The following TRIM38 variants were observed in gnomAD, a reference collection of about 807,000 sequenced individuals.
The protein encoded by TRIM38 is E3 ubiquitin-protein ligase TRIM38.
In TRIM38, 35 loss-of-function variants were observed where a neutral mutation model predicts 35.8. The ratio of observed to expected loss-of-function variants is 0.98; its 90% CI spans 0.75 to 1.30. The LOEUF is 1.30. Among genes scored for constraint, TRIM38 ranks in the 50% most tolerant of loss-of-function variants. The pLI is 0.00. For synonymous variants in TRIM38, 198 were observed against 204.7 expected (o/e 0.97, Z 0.28); for missense variants, 545 against 556.9 (o/e 0.98, Z 0.21).
Position 25,987,086 on chromosome 6 carries a change from C to CATCG in TRIM38, c.*3401_*3404dup, listed in dbSNP as rs1760728299. ...CTCATATTAAAAAACAGAGAAGGGA[C>CATCG]ATCGAATAGATGACCAACAATCTCC... is the stretch of plus-strand genomic sequence containing the variant. On this transcript the variant is annotated 3_prime_UTR_variant, in exon 8 of 8. Coordinates refer to ENST00000357085, the MANE Select transcript of TRIM38 (RefSeq NM_006355.5). 6.6e-6 allele frequency: 1 copy of CATCG among 151,972 alleles called. No individual in the cohort carries two copies. The highest frequency in any genetic ancestry group is 2.1e-4 in the South Asian group (1 of 4,830). The allele number at this position is 151,972 out of a possible 1,614,324, so 9.4% of individuals were successfully genotyped here.
chr6:25,967,139 A>G (rs1369527968), intron 3 of TRIM38, among the ~76,000 whole-genome samples: 1 of 152,196 alleles, frequency 6.6e-6, no homozygotes, highest in Non-Finnish European at 1.5e-5. Flanking sequence ...TTGGACTCTT[A>G]TCTCTATCCA....
In TRIM38 at chr6:25,985,638, A is replaced by G. The variant is rs989934329; in HGVS notation, c.*1951A>G. ...TGTTCTATATACCCGTAGTCTCGGT[A>G]TGCTGACCCAGACTTGGGTAATAGG... On this transcript the variant is annotated 3_prime_UTR_variant, in exon 8 of 8. Coordinates refer to ENST00000357085, the MANE Select transcript of TRIM38 (RefSeq NM_006355.5). The G allele has an allele frequency of 1.3e-5, 2 of 152,268 alleles. No individual in the cohort carries two copies. The highest frequency in any genetic ancestry group is 4.8e-5 in the African/African-American group (2 of 41,472). 9.4% of individuals were successfully genotyped at this position (152,268 alleles called of 1,614,324 possible). A position where few individuals can be genotyped will look rare whatever the true frequency, so the allele number is the denominator to read the frequency against.
Position 25,966,842 on chromosome 6 carries a change from AG to A in TRIM38, c.324del (p.Gln109SerfsTer36), listed in dbSNP as rs1338725381. 6.2e-7 allele frequency: 1 copy of A among 1,614,060 alleles called. No homozygotes were observed. The highest frequency in any genetic ancestry group is 8.5e-7 in the Non-Finnish European group (1 of 1,180,030). ...CAGTTCCACCTGTTCTGCGAAGACG[AG>A]GGGCAGCTCATCTGCTGGCGCTGTG... is the stretch of plus-strand genomic sequence containing the variant. ...GEQFHLFCED[E>X]GQLICWRCER... On this transcript the variant is annotated frameshift_variant, in exon 3 of 8. Transcript: ENST00000357085. LOFTEE classifies it high-confidence loss of function.
rs112138981 is a variant in TRIM38, at chr6:25,966,313, A to G, written c.-188-22A>G. The G allele has an allele frequency of 6.5e-3, 3,319 of 508,680 alleles. 40 individuals carry two copies. The highest frequency in any genetic ancestry group is 0.031 in the African/African-American group (1,585 of 51,636). 31.5% of individuals were successfully genotyped at this position (508,680 alleles called of 1,614,324 possible). On this transcript the variant is annotated intron_variant, in intron 2 of 7. Coordinates refer to ENST00000357085, the MANE Select transcript of TRIM38 (RefSeq NM_006355.5). ...TCTCAAACGTGGCCCAAACAACCTC[A>G]GCCTCAACTTCTTCCTTTTAGGTCC...
rs1760644110 is a variant in TRIM38, at chr6:25,983,990, G to A, written c.*303G>A. 1 of 247,518 alleles carries A rather than the reference G, an allele frequency of 4.0e-6. No individual in the cohort carries two copies. Among genetic ancestry groups the A allele is most frequent in the Non-Finnish European group, 7.7e-6 (1 of 129,218 alleles). 15.3% of individuals were successfully genotyped at this position (247,518 alleles called of 1,614,324 possible). A position where few individuals can be genotyped will look rare whatever the true frequency, so the allele number is the denominator to read the frequency against. ...CAAGGGTCTTCAGGTGATGAGTAGG[G>A]GTACCCACAAGTCAGAAGGTCTGCG... On this transcript the variant is annotated 3_prime_UTR_variant, in exon 8 of 8. Coordinates refer to ENST00000357085, the MANE Select transcript of TRIM38 (RefSeq NM_006355.5).
chr6:25,970,799 A>C lies in TRIM38; in HGVS notation c.508-1070A>C, dbSNP rs533921933. On this transcript the variant is annotated intron_variant, in intron 4 of 7. Coordinates refer to ENST00000357085, the MANE Select transcript of TRIM38 (RefSeq NM_006355.5). ...AGAGAGTTTATTTGGGCCAAGTTTG[A>C]AGACTGCAATCCAAGAACATAGATT... is the stretch of plus-strand genomic sequence containing the variant. Among the ~76,000 whole-genome samples the C allele has an allele frequency of 6.3e-4, 96 of 152,238 alleles. 1 individual carries two copies. Among genetic ancestry groups the C allele is most frequent in the Middle Eastern group, 6.8e-3 (2 of 294 alleles).
At chr6:25,970,759 T>C (rs1760206064) in intron 4 of TRIM38, among the ~76,000 whole-genome samples, 1 of 152,244 alleles carries the variant, frequency 6.6e-6, no homozygotes, top group South Asian at 2.1e-4. Flanking sequence ...TAATTTTTAT[T>C]TTTTTAAGAT....
intron 3 of TRIM38, 33 bp from the exon 4 acceptor site, chr6:25,969,292 G>A: frequency 6.4e-7 from 1 of 1,555,466 alleles, no homozygotes; most frequent in Non-Finnish European, 8.8e-7. Flanking sequence ...GAGTCAAATT[G>A]AATAGGCTTC....
intron 7 of TRIM38, 136 bp downstream of exon 7, chr6:25,973,421 C>A (rs945005237): frequency 2.1e-6 from 3 of 1,452,030 alleles, no homozygotes; most frequent in Non-Finnish European, 1.8e-6. Flanking sequence ...TTCATACTTT[C>A]TCTAGTTAGT....
chr6:25,972,884 C>T (rs115543246), intron 5 of TRIM38, among the ~76,000 whole-genome samples, 170 bp from the exon 6 acceptor site: 2,318 of 152,290 alleles, frequency 0.015, 55 homozygotes, highest in African/African-American at 0.045. Context: ...TCCATCAATA[C>T]CTAAGACTGG....
Position 25,978,492 on chromosome 6 carries a change from A to G in TRIM38, c.875-4672A>G, listed in dbSNP as rs554570296. Among the ~76,000 whole-genome samples the G allele has an allele frequency of 1.2e-4, 18 of 152,128 alleles. 1 individual carries two copies. In the South Asian group the frequency reaches 3.7e-3, roughly 32 times the overall value. ...AAGCATTGATTGGTACATATAATAT[A>G]TATATTGATTACTGTGTGTATATAT... On this transcript the variant is annotated intron_variant, in intron 7 of 7. Coordinates refer to ENST00000357085, the MANE Select transcript of TRIM38 (RefSeq NM_006355.5).
intron 7 of TRIM38, among the ~76,000 whole-genome samples, chr6:25,976,684 G>A (rs1760402915): frequency 6.6e-6 from 1 of 152,126 alleles, no homozygotes; most frequent in Non-Finnish European, 1.5e-5. Flanking sequence ...TCTTATCCAT[G>A]CTTCCTTGTG....
Position 25,980,423 on chromosome 6 carries a change from C to CTT in TRIM38, c.875-2727_875-2726dup, listed in dbSNP as rs1228527323. Among the ~76,000 whole-genome samples, 16 of 140,600 alleles carry CTT rather than the reference C, an allele frequency of 1.1e-4. 1 individual carries two copies. The highest frequency in any genetic ancestry group is 2.1e-4 in the African/African-American group (8 of 38,590). 92.2% of individuals were successfully genotyped at this position (140,600 alleles called of 152,430 possible). ...TTTTAGGTGACTCCTTTCATTCTTT[C>CTT]TTTTTTTTTTTTTTTGAGACAGAAT... On this transcript the variant is annotated intron_variant, in intron 7 of 7. Transcript: ENST00000357085.
chr6:25,974,001 G>A (rs1023859830), intron 7 of TRIM38: 8 of 356,898 alleles, frequency 2.2e-5, no homozygotes, highest in African/African-American at 1.8e-4. Context: ...AAATGATTTG[G>A]TGGTTATATT....
chr6:25,973,384 G>A (rs1760300206), intron 7 of TRIM38, 99 bp downstream of exon 7: 1 of 1,502,360 alleles, frequency 6.7e-7, no homozygotes, highest in South Asian at 1.3e-5. Flanking sequence ...CAGCCAGAGA[G>A]GTTGTTTAGT....
At chr6:25,973,520 A>G (rs1760303577) in intron 7 of TRIM38, 3 of 983,624 alleles carry the variant, frequency 3.0e-6, no homozygotes, top group Non-Finnish European at 3.6e-6. Context: ...CTTATTAGCC[A>G]TGTTACTCCA....
chr6:25,969,515 C>T lies in TRIM38; in HGVS notation c.507+95C>T, dbSNP rs1760163862. ...GAAAAGCACAATGAGGATTTATTCT[C>T]ACTAAACCAGATTGAAAAAATGAAA... On this transcript the variant is annotated intron_variant, in intron 4 of 7. Transcript: ENST00000357085. The T allele has an allele frequency of 8.0e-6, 8 of 1,006,086 alleles. No homozygotes were observed. In the South Asian group the frequency reaches 1.1e-4, roughly 13 times the overall value. The allele number at this position is 1,006,086 out of a possible 1,614,324, so 62.3% of individuals were successfully genotyped here. A position where few individuals can be genotyped will look rare whatever the true frequency, so the allele number is the denominator to read the frequency against.
rs139736051 is a variant in TRIM38 at position 25,977,645 on chromosome 6, C to T, written c.874+4360C>T. ...TTGTGCCACTGCACTCCAGCTTGAG[C>T]GACAGAGTAAGACTCCATCTCAAAA... On this transcript the variant is annotated intron_variant, in intron 7 of 7. Transcript: ENST00000357085. Among the ~76,000 whole-genome samples the T allele has an allele frequency of 5.0e-3, 697 of 138,742 alleles. 7 individuals are homozygous for T. Among genetic ancestry groups the T allele is most frequent in the African/African-American group, 0.017 (615 of 36,730 alleles). 91.0% of individuals were successfully genotyped at this position (138,742 alleles called of 152,430 possible).
chr6:25,985,242 G>A lies in TRIM38; in HGVS notation c.*1555G>A, dbSNP rs1356895812. ...GGAAGAACAAAAGTTAGTCACCAGAGACTTTAGACTCTTATCAGCCTGGAC... is the reference window on the plus strand; with the variant it reads ...GGAAGAACAAAAGTTAGTCACCAGAAACTTTAGACTCTTATCAGCCTGGAC... On this transcript the variant is annotated 3_prime_UTR_variant, in exon 8 of 8. Coordinates refer to ENST00000357085, the MANE Select transcript of TRIM38 (RefSeq NM_006355.5). 4.9e-5 allele frequency: 7 copies of A among 144,310 alleles called. No individual in the cohort carries two copies. The highest frequency in any genetic ancestry group is 1.8e-4 in the African/African-American group (7 of 38,494). 8.9% of individuals were successfully genotyped at this position (144,310 alleles called of 1,614,324 possible).
Sources: gnomAD v4.1 joint callset for allele counts (sites outside exome capture counted in the v4.1 genomes callset) on GRCh38, gnomAD v4.1.1 for gene constraint, MANE v1.5 for transcripts, NCBI Gene and HGNC (gene_info 2026-07-23, HGNC 2026-07-21) for gene names.